Variants in GBF1 observed in about 807,000 individuals in gnomAD.
GBF1 encodes the protein Golgi-specific brefeldin A-resistance guanine nucleotide exchange factor 1.
GBF1 carries 114 observed loss-of-function variants against 210.5 expected under a neutral mutation model. That is an observed-to-expected ratio of 0.54 (90% CI 0.47 to 0.63). The LOEUF (loss-of-function observed/expected upper bound fraction) is 0.63, where lower values mean the gene tolerates loss of function less well. Ranked by LOEUF, GBF1 falls within the 30% of genes least tolerant of loss-of-function variation. The probability of loss-of-function intolerance (pLI) is 0.00; values close to 1 mark genes in which losing one functional copy is unlikely to be tolerated. For missense variants in GBF1, 1,851 were observed against 2,357.7 expected, an observed-to-expected ratio of 0.79 and a Z score of 4.45; for synonymous variants, 850 against 889.2, an observed-to-expected ratio of 0.96 and a Z score of 0.78.
At chr10:102,299,004 G>C (rs1206786122) in intron 3 of GBF1, among the ~76,000 whole-genome samples, 2 of 152,204 alleles carry the variant, frequency 1.3e-5, no homozygotes, top group Non-Finnish European at 2.9e-5. Flanking sequence ...AATAGGGGCA[G>C]TATAACATAG....
At chr10:102,233,028 G>A in the GBF1 span, among the ~76,000 whole-genome samples, 2 of 152,204 alleles carry the variant, frequency 1.3e-5, no homozygotes, top group African/African-American at 4.8e-5. Flanking sequence ...CACAGAGCTT[G>A]TAAGCAGTGG....
intron 3 of GBF1, among the ~76,000 whole-genome samples, chr10:102,315,964 T>C (rs772025): frequency 0.33 from 50,160 of 151,870 alleles, 8,888 homozygotes; most frequent in South Asian, 0.48. Flanking sequence ...GCAGACTATA[T>C]AATACTAATA....
chr10:102,258,774 CAAA>C (rs74634439), intron 1 of GBF1, among the ~76,000 whole-genome samples, 152 bp from the exon 2 acceptor site: 2 of 79,688 alleles, frequency 2.5e-5, no homozygotes, highest in Admixed American at 1.2e-4. Flanking sequence ...AACTCTGCCT[CAAA>C]AAAAAAAAAA....
chr10:102,346,734 C>T (rs1183449778), intron 4 of GBF1, among the ~76,000 whole-genome samples: 1 of 152,180 alleles, frequency 6.6e-6, no homozygotes, highest in East Asian at 1.9e-4. Flanking sequence ...TCTTGAACTC[C>T]TGAGCTCAAG....
chr10:102,338,603 TA>T (rs1363331713), intron 3 of GBF1, among the ~76,000 whole-genome samples: 1 of 151,942 alleles, frequency 6.6e-6, no homozygotes, highest in Non-Finnish European at 1.5e-5. Flanking sequence ...TGGCTATTGA[TA>T]GGAGTGAGAC....
At chr10:102,296,534 G>A (rs1241650637) in intron 3 of GBF1, among the ~76,000 whole-genome samples, 1 of 151,910 alleles carries the variant, frequency 6.6e-6, no homozygotes, top group African/African-American at 2.4e-5. Flanking sequence ...CATGAGGTCA[G>A]GAGTTCAAGA....
At chr10:102,267,577 A>C (rs2073992829) in intron 3 of GBF1, among the ~76,000 whole-genome samples, 1 of 152,210 alleles carries the variant, frequency 6.6e-6, no homozygotes, top group Non-Finnish European at 1.5e-5. Context: ...CTATTGATTA[A>C]GTGCCTACTT....
intron 4 of GBF1, among the ~76,000 whole-genome samples, chr10:102,347,270 T>G (rs2058638208): frequency 6.6e-6 from 1 of 152,202 alleles, no homozygotes; most frequent in Non-Finnish European, 1.5e-5. Context: ...GCTGATGCAT[T>G]CAGGATCCTG....
rs552706182 is a variant in GBF1 at position 102,380,581 on chromosome 10, G to C, written c.5068G>C (p.Ala1690Pro). 1.7e-5 allele frequency: 27 copies of C among 1,614,012 alleles called. No homozygotes were observed. The highest frequency in any genetic ancestry group is 3.3e-4 in the Middle Eastern group (2 of 6,060). The change falls in exon 38 of 40, where the codon GCA becomes CCA. Residue 1690 changes from alanine to proline, a missense_variant. Physicochemically the swap from Ala to Pro is conservative, Grantham distance 27. Transcript: ENST00000369983. ...DTAEIFHSAD[A>P]RGGGPSALWE... ...AGCGGAGATTTTCCACAGTGCAGAT[G>C]CACGGGGAGGCGGCCCCTCGGCCCT...
chr10:102,382,441 G>A lies in GBF1; in HGVS notation c.*105G>A. 1 of 964,798 alleles carries A rather than the reference G, an allele frequency of 1.0e-6. No individual in the cohort carries two copies. Among genetic ancestry groups the A allele is most frequent in the Non-Finnish European group, 1.5e-6 (1 of 650,958 alleles). 59.8% of individuals were successfully genotyped at this position (964,798 alleles called of 1,614,324 possible). A position where few individuals can be genotyped will look rare whatever the true frequency, so the allele number is the denominator to read the frequency against. ...AAGCTCTTCAGGCCAAGTCAGAGCT[G>A]CTGTTGCTGCCACTTGGATGGGGAC... On this transcript the variant is annotated 3_prime_UTR_variant, in exon 40 of 40. Transcript: ENST00000369983.
intron 3 of GBF1, among the ~76,000 whole-genome samples, chr10:102,292,904 A>G (rs1173345308): frequency 6.6e-6 from 1 of 152,146 alleles, no homozygotes; most frequent in Non-Finnish European, 1.5e-5. Flanking sequence ...TCTGTTGTCC[A>G]GTTGTCAGTT....
chr10:102,259,521 A>G (rs74702291), intron 2 of GBF1, among the ~76,000 whole-genome samples: 1 of 152,266 alleles, frequency 6.6e-6, no homozygotes, highest in East Asian at 1.9e-4. Flanking sequence ...TTTCTTTGCT[A>G]TATATGTTTG....
At chr10:102,374,639 G>A (rs1484801876) in intron 29 of GBF1, among the ~76,000 whole-genome samples, 1 of 152,100 alleles carries the variant, frequency 6.6e-6, no homozygotes, top group African/African-American at 2.4e-5. Context: ...TGTTCAGTAT[G>A]TTGTTTTGTG....
intron 3 of GBF1, among the ~76,000 whole-genome samples, chr10:102,260,788 T>TA (rs1280675350): frequency 6.6e-6 from 1 of 151,888 alleles, no homozygotes; most frequent in South Asian, 2.1e-4. Context: ...ATATTTTCTT[T>TA]AAAAAAAAGA....
chr10:102,366,246 C>A lies in GBF1; in HGVS notation c.2310-137C>A. 1.3e-6 allele frequency: 1 copy of A among 796,904 alleles called. No homozygotes were observed. The highest frequency in any genetic ancestry group is 2.1e-6 in the Non-Finnish European group (1 of 482,576). The allele number at this position is 796,904 out of a possible 1,614,324, so 49.4% of individuals were successfully genotyped here. A position where few individuals can be genotyped will look rare whatever the true frequency, so the allele number is the denominator to read the frequency against. ...GGCTAGGGGTTGTGTTAGGGATGAA[C>A]AGGAGATACTGCCCCTTTACTAGAG... On this transcript the variant is annotated intron_variant, in intron 18 of 39. Coordinates refer to ENST00000369983, the MANE Select transcript of GBF1 (RefSeq NM_001377137.1). This position sits in a 1 kb window ranked among gnomAD's most constrained non-coding sequence, Gnocchi z 4.0.
At chr10:102,317,906 A>ATTTTAT (rs749981766) in intron 3 of GBF1, among the ~76,000 whole-genome samples, 1 of 92,596 alleles carries the variant, frequency 1.1e-5, no homozygotes, top group African/African-American at 3.3e-5. Flanking sequence ...ATTTATTTTT[A>ATTTTAT]TTTATTTATT....
chr10:102,381,309 A>C (rs2060830237), intron 39 of GBF1, 54 bp downstream of exon 39: 1 of 1,584,278 alleles, frequency 6.3e-7, no homozygotes, highest in Non-Finnish European at 8.6e-7. Flanking sequence ...AGGGGGCCTA[A>C]GAGGAGGCCC....
rs2060875258 is a variant in GBF1, at chr10:102,381,842, A to AT, written c.5303-214_5303-213insT. On this transcript the variant is annotated intron_variant, in intron 39 of 39. Transcript: ENST00000369983. ...TGTCGCGAAAAAAAAAAAAAAAAAA[A>AT]AAAAAAAGAGTAGCCTGGCAAAGGA... Among the ~76,000 whole-genome samples, 2 of 150,868 alleles carry AT rather than the reference A, an allele frequency of 1.3e-5. 1 individual carries two copies. Among genetic ancestry groups the AT allele is most frequent in the Non-Finnish European group, 3.0e-5 (2 of 67,652 alleles).
intron 3 of GBF1, among the ~76,000 whole-genome samples, chr10:102,270,079 C>G (rs1307096212): frequency 6.6e-6 from 1 of 151,872 alleles, no homozygotes; most frequent in Non-Finnish European, 1.5e-5. Context: ...GGCGTTTCAC[C>G]ATGTTAGCCA....
Sources: gnomAD v4.1 joint callset for allele counts (sites outside exome capture counted in the v4.1 genomes callset) on GRCh38, gnomAD v4.1.1 for gene constraint, Gnocchi (gnomAD v3.1) non-coding constraint, MANE v1.5 for transcripts, NCBI Gene and HGNC (gene_info 2026-07-23, HGNC 2026-07-21) for gene names.